The following FMNL2 variants were observed in gnomAD, a reference collection of about 807,000 sequenced individuals.
FMNL2 encodes the protein formin-like protein 2.
Under a neutral mutation model 130.2 loss-of-function variants are expected in FMNL2, and 51 were observed. The ratio of observed to expected loss-of-function variants is 0.39; its 90% confidence interval spans 0.31 to 0.49. FMNL2 has a LOEUF of 0.49. FMNL2 is among the 20% of genes least tolerant of loss of function. The probability of loss-of-function intolerance (pLI) is 0.85; values close to 1 mark genes in which losing one functional copy is unlikely to be tolerated. For synonymous variants in FMNL2, 465 were observed against 467.1 expected (o/e 1.00, Z 0.06); for missense variants, 977 against 1,316.2 (o/e 0.74, Z 3.99).
At chr2:152,360,266 A>AT (rs773997169) in intron 1 of FMNL2, among the ~76,000 whole-genome samples, 3 of 152,222 alleles carry the variant, frequency 2.0e-5, no homozygotes, top group East Asian at 1.9e-4. Context: ...TTGTTTCTCC[A>AT]TTTTTTAGAA....
chr2:152,358,091 TGAGTCTGCC>T (rs1304749300), intron 1 of FMNL2, among the ~76,000 whole-genome samples: 4 of 152,230 alleles, frequency 2.6e-5, no homozygotes, highest in African/African-American at 9.6e-5. Context: ...CTGAGTCTGC[TGAGTCTGCC>T]GAGTCTGCCA....
chr2:152,628,937 C>G (rs1681983850), intron 18 of FMNL2, among the ~76,000 whole-genome samples: 1 of 152,198 alleles, frequency 6.6e-6, no homozygotes, highest in Non-Finnish European at 1.5e-5. Context: ...AGTGAGCAGA[C>G]TTACAAGCTT....
chr2:152,558,863 G>T, intron 5 of FMNL2, 40 bp downstream of exon 5: 1 of 1,538,486 alleles, frequency 6.5e-7, no homozygotes, highest in South Asian at 1.1e-5. Context: ...AATTTTATGT[G>T]GTCACAGCAG....
chr2:152,520,761 T>G (rs886618313), intron 1 of FMNL2, among the ~76,000 whole-genome samples: 6 of 152,170 alleles, frequency 3.9e-5, no homozygotes, highest in Non-Finnish European at 8.8e-5. Context: ...AGTGGTTGAT[T>G]TTCTATCATT....
At chr2:152,597,263 A>G (rs1697819702) in intron 9 of FMNL2, among the ~76,000 whole-genome samples, 1 of 152,252 alleles carries the variant, frequency 6.6e-6, no homozygotes, top group Non-Finnish European at 1.5e-5. Flanking sequence ...GTTCATTTTC[A>G]AGAAAATACC....
intron 1 of FMNL2, among the ~76,000 whole-genome samples, chr2:152,478,710 T>A (rs757332128): frequency 3.3e-5 from 5 of 152,150 alleles, no homozygotes; most frequent in Admixed American, 6.5e-5. Flanking sequence ...AAAATGTTCA[T>A]AATATAAAGA....
At chr2:152,455,955 A>G (rs1411126835) in intron 1 of FMNL2, among the ~76,000 whole-genome samples, 1 of 152,164 alleles carries the variant, frequency 6.6e-6, no homozygotes, top group East Asian at 1.9e-4. Context: ...GCCTCAATTG[A>G]TCCTCCCACC....
chr2:152,525,509 G>T (rs1417069235), intron 2 of FMNL2, among the ~76,000 whole-genome samples: 1 of 152,224 alleles, frequency 6.6e-6, no homozygotes, highest in East Asian at 1.9e-4. Flanking sequence ...TTTGGCATGA[G>T]TGGACCTTGC....
At chr2:152,451,915 C>T (rs1357528637) in intron 1 of FMNL2, among the ~76,000 whole-genome samples, 8 of 152,094 alleles carry the variant, frequency 5.3e-5, no homozygotes, top group African/African-American at 1.9e-4. Flanking sequence ...AGAGAATACA[C>T]TGTAGAGAAA....
intron 5 of FMNL2, among the ~76,000 whole-genome samples, chr2:152,559,352 G>GT (rs1423222892): frequency 6.6e-6 from 1 of 152,158 alleles, no homozygotes; most frequent in Non-Finnish European, 1.5e-5. Flanking sequence ...CTGAAGGGGA[G>GT]TAAAAACTGG....
chr2:152,429,959 G>GA (rs1687411836), intron 1 of FMNL2, among the ~76,000 whole-genome samples: 1 of 152,156 alleles, frequency 6.6e-6, no homozygotes, highest in Non-Finnish European at 1.5e-5. Flanking sequence ...TGGCATAGGT[G>GA]ATGGGTTGAT....
Position 152,619,063 on chromosome 2 carries a change from G to A in FMNL2, c.1532G>A (p.Gly511Asp). 1 of 1,613,934 alleles carries A rather than the reference G, an allele frequency of 6.2e-7. No homozygotes were observed. Among genetic ancestry groups the A allele is most frequent in the African/African-American group, 1.3e-5 (1 of 75,068 alleles). ...TLSMGSEVVAGNSVGPTMGAA... is the reference protein window; with the variant it reads ...TLSMGSEVVADNSVGPTMGAA... ...TCCATGGGGTCAGAAGTGGTAGCAG[G>A]TAACTCTGTGGGACCCACAATGGGG... Residue 511 changes from glycine (G) to aspartate (D), a missense_variant, in exon 14 of 26, where the codon GGT (glycine) becomes GAT (aspartate). Transcript: ENST00000288670.
At chr2:152,578,795 T>G (rs1239497161) in intron 7 of FMNL2, 93 bp from the exon 8 acceptor site, 2 of 901,802 alleles carry the variant, frequency 2.2e-6, no homozygotes, top group Non-Finnish European at 3.4e-6. Flanking sequence ...ATTAGGTAGA[T>G]ACTTCGGGTT....
chr2:152,587,387 G>A (rs575845155), intron 9 of FMNL2, among the ~76,000 whole-genome samples: 127 of 152,270 alleles, frequency 8.3e-4, no homozygotes, highest in Admixed American at 3.4e-3. Context: ...ATTGTAGTCT[G>A]TATACCTCAG....
At chr2:152,413,826 G>A (rs912934360) in intron 1 of FMNL2, among the ~76,000 whole-genome samples, 2 of 152,176 alleles carry the variant, frequency 1.3e-5, no homozygotes, top group African/African-American at 4.8e-5. Context: ...TGAAAGATAC[G>A]GATACCGATG....
chr2:152,607,019 T>TG lies in FMNL2; in HGVS notation c.877-320_877-319insG, dbSNP rs1347328159. On this transcript the variant is annotated intron_variant, in intron 9 of 25. Coordinates refer to ENST00000288670, the MANE Select transcript of FMNL2 (RefSeq NM_052905.4). ...TTTTTTTTTTTTGTTTTTTTTTTTT[T>TG]TTTTTACCATGACTGCATTCTTGGA... Among the ~76,000 whole-genome samples the TG allele has an allele frequency of 2.1e-3, 312 of 146,114 alleles. 1 individual carries two copies. The highest frequency in any genetic ancestry group is 5.9e-3 in the African/African-American group (237 of 40,436).
intron 1 of FMNL2, among the ~76,000 whole-genome samples, chr2:152,343,140 G>T (rs1320253125): frequency 6.6e-6 from 1 of 152,118 alleles, no homozygotes; most frequent in African/African-American, 2.4e-5. Flanking sequence ...CAGAAGTTCT[G>T]ATGCATTTGT....
intron 1 of FMNL2, among the ~76,000 whole-genome samples, chr2:152,424,540 G>A (rs567577663): frequency 3.9e-5 from 6 of 152,064 alleles, no homozygotes; most frequent in Non-Finnish European, 5.9e-5. Flanking sequence ...ACAGGCGTGC[G>A]CCACCATGCG....
intron 1 of FMNL2, among the ~76,000 whole-genome samples, chr2:152,450,104 C>G (rs796819147): frequency 5.9e-5 from 9 of 152,038 alleles, no homozygotes; most frequent in African/African-American, 2.2e-4. Flanking sequence ...TCACTGAGAG[C>G]TTGGGGAATA....
Sources: gnomAD v4.1 joint callset for allele counts (sites outside exome capture counted in the v4.1 genomes callset) on GRCh38, gnomAD v4.1.1 for gene constraint, MANE v1.5 for transcripts, NCBI Gene and HGNC (gene_info 2026-07-23, HGNC 2026-07-21) for gene names.